IGF1R: variants seen among roughly 807,000 people sequenced by gnomAD.
IGF1R encodes insulin like growth factor 1 receptor.
Under a neutral mutation model 144.6 loss-of-function variants are expected in IGF1R, and 44 were observed. The observed-to-expected ratio is 0.30, with a 90% CI of 0.24 to 0.39. The LOEUF (loss-of-function observed/expected upper bound fraction) is 0.39. IGF1R is among the 10% of genes least tolerant of loss of function. IGF1R has a pLI of 1.00. For synonymous variants in IGF1R, 795 were observed against 722.8 expected (o/e 1.10, Z -1.60); for missense variants, 1,355 against 1,833.7 (o/e 0.74, Z 4.77).
At chr15:98,900,656 A>G (rs2014435459) in intron 5 of IGF1R, 1 of 152,240 alleles carries the variant, frequency 6.6e-6, no homozygotes. Flanking sequence ...GGGAACACCA[A>G]TCCTTAAAAA....
At chr15:98,899,243 C>A (rs547200951) in intron 4 of IGF1R, among the ~76,000 whole-genome samples, 15 of 152,316 alleles carry the variant, frequency 9.8e-5, no homozygotes, top group African/African-American at 3.6e-4. Flanking sequence ...AGCTGCAGTA[C>A]CCCCCAGCCT....
At chr15:98,722,894 C>T (rs1467135958) in intron 2 of IGF1R, among the ~76,000 whole-genome samples, 3 of 152,114 alleles carry the variant, frequency 2.0e-5, no homozygotes, top group Non-Finnish European at 4.4e-5. Flanking sequence ...TCAGGAGCAT[C>T]TCCGCCTGGT....
chr15:98,673,363 G>C (rs1333696268), intron 1 of IGF1R, among the ~76,000 whole-genome samples: 1 of 152,170 alleles, frequency 6.6e-6, no homozygotes, highest in Non-Finnish European at 1.5e-5. Context: ...ACAGTAAATA[G>C]ATGATCATTC....
intron 17 of IGF1R, among the ~76,000 whole-genome samples, chr15:98,936,599 C>T (rs932196472): frequency 1.6e-4 from 23 of 148,008 alleles, no homozygotes; most frequent in East Asian, 2.0e-4. Flanking sequence ...TTTTGCTGTT[C>T]TTCATTTGGG....
chr15:98,900,269 G>A (rs761123937), intron 5 of IGF1R, among the ~76,000 whole-genome samples: 2 of 152,202 alleles, frequency 1.3e-5, no homozygotes, highest in Non-Finnish European at 2.9e-5. Context: ...CTTTCCAGCC[G>A]TCAGCCTGTG....
chr15:98,665,140 A>G (rs777935775), intron 1 of IGF1R, among the ~76,000 whole-genome samples: 3 of 152,022 alleles, frequency 2.0e-5, no homozygotes, highest in Non-Finnish European at 4.4e-5. Context: ...TTTAGTAGAG[A>G]TGGGGTTTCA....
At chr15:98,651,848 A>G (rs561850023) in intron 1 of IGF1R, among the ~76,000 whole-genome samples, 29 of 152,246 alleles carry the variant, frequency 1.9e-4, no homozygotes, top group South Asian at 8.3e-4. Context: ...TGAAGTCTTG[A>G]CTGACTCAGT....
At chr15:98,884,147 G>T (rs2013521311) in intron 2 of IGF1R, among the ~76,000 whole-genome samples, 1 of 152,150 alleles carries the variant, frequency 6.6e-6, no homozygotes, top group Non-Finnish European at 1.5e-5. Flanking sequence ...CTAGGCCCCT[G>T]TGAACGGTGG....
intron 2 of IGF1R, among the ~76,000 whole-genome samples, chr15:98,816,100 G>A (rs974868505): frequency 6.6e-6 from 1 of 152,096 alleles, no homozygotes; most frequent in African/African-American, 2.4e-5. Context: ...TACTTTCCCA[G>A]TCTTGCCTCT....
At chr15:98,679,449 C>G (rs1238999169) in intron 1 of IGF1R, among the ~76,000 whole-genome samples, 1 of 152,118 alleles carries the variant, frequency 6.6e-6, no homozygotes, top group Non-Finnish European at 1.5e-5. Flanking sequence ...CAATGGTGGA[C>G]CTCGTCTGTA....
intron 2 of IGF1R, among the ~76,000 whole-genome samples, chr15:98,873,203 A>T (rs2012876786): frequency 6.6e-6 from 1 of 152,322 alleles, no homozygotes; most frequent in African/African-American, 2.4e-5. Context: ...TTATTGATGC[A>T]TGTTATACGT....
At chr15:98,914,305 A>G (rs192038207) in intron 8 of IGF1R, among the ~76,000 whole-genome samples, 3 of 152,376 alleles carry the variant, frequency 2.0e-5, no homozygotes, top group Admixed American at 6.5e-5. Context: ...TAGCACTGAT[A>G]AACATTCTTT....
chr15:98,820,663 T>C (rs2056784454), intron 2 of IGF1R, among the ~76,000 whole-genome samples: 1 of 152,232 alleles, frequency 6.6e-6, no homozygotes, highest in African/African-American at 2.4e-5. Context: ...GTGTCAATTT[T>C]TTACGCTTGC....
At chr15:98,662,956 G>C (rs1016785149) in intron 1 of IGF1R, among the ~76,000 whole-genome samples, 1 of 152,116 alleles carries the variant, frequency 6.6e-6, no homozygotes, top group East Asian at 1.9e-4. Context: ...CAGTGGACCC[G>C]CTGAGAAGGG....
rs2017221388 is a variant in IGF1R, at chr15:98,961,429, G to A, written c.*3987G>A. ...ATAAAAGAGAAAACTTGGCTTGTGT[G>A]ATGGTGCAGTCACTTTACTGGACCA... On this transcript the variant is annotated 3_prime_UTR_variant, in exon 21 of 21. Coordinates refer to ENST00000650285, the MANE Select transcript of IGF1R (RefSeq NM_000875.5). 1 of 233,394 alleles carries A rather than the reference G, an allele frequency of 4.3e-6. No individual in the cohort carries two copies. The highest frequency in any genetic ancestry group is 8.5e-6 in the Non-Finnish European group (1 of 118,034). The allele number at this position is 233,394 out of a possible 1,614,324, so 14.5% of individuals were successfully genotyped here.
rs1268772126 is a variant in IGF1R at position 98,962,876 on chromosome 15, C to T, written c.*5434C>T. On this transcript the variant is annotated 3_prime_UTR_variant, in exon 21 of 21. Transcript: ENST00000650285. The stretch of plus-strand genomic sequence containing the variant: ...GTTCAAGAACACAAACTACATCGCA[C>T]TCGTCAGTTGTCAGTTCTGGGGCAT... 2 of 233,618 alleles carry T rather than the reference C, an allele frequency of 8.6e-6. No homozygotes were observed. The highest frequency in any genetic ancestry group is 1.2e-3 in the Middle Eastern group (1 of 808). 14.5% of individuals were successfully genotyped at this position (233,618 alleles called of 1,614,324 possible).
Position 98,960,694 on chromosome 15 carries a change from G to A in IGF1R, c.*3252G>A, listed in dbSNP as rs1013901657. The A allele has an allele frequency of 1.7e-5, 4 of 233,350 alleles. No homozygotes were observed. The highest frequency in any genetic ancestry group is 5.6e-5 in the Admixed American group (1 of 17,786). 14.5% of individuals were successfully genotyped at this position (233,350 alleles called of 1,614,324 possible). A position where few individuals can be genotyped will look rare whatever the true frequency, so the allele number is the denominator to read the frequency against. ...AGGTGCAGCTGCAGCAGCAGCTGGA[G>A]AGCAAGAGTCACCCAGCCTGTGCGC... On this transcript the variant is annotated 3_prime_UTR_variant, in exon 21 of 21. Coordinates refer to ENST00000650285, the MANE Select transcript of IGF1R (RefSeq NM_000875.5).
At chr15:98,716,718 T>A (rs1200120399) in intron 2 of IGF1R, among the ~76,000 whole-genome samples, 1 of 152,048 alleles carries the variant, frequency 6.6e-6, no homozygotes, top group Non-Finnish European at 1.5e-5. Context: ...GTGTGAGGGC[T>A]TATGGGGGAC....
chr15:98,688,083 G>A (rs950638946), intron 1 of IGF1R, among the ~76,000 whole-genome samples: 2 of 152,158 alleles, frequency 1.3e-5, no homozygotes, highest in Non-Finnish European at 2.9e-5. Context: ...CAGTGATTGA[G>A]GCCCCCTGCC....
Sources: allele counts gnomAD v4.1 joint callset (sites outside exome capture counted in the v4.1 genomes callset), GRCh38; gene constraint gnomAD v4.1.1; transcripts MANE v1.5; gene names NCBI Gene and HGNC (gene_info 2026-07-23, HGNC 2026-07-21).